Variants in ZFHX3 observed in about 807,000 individuals in gnomAD.
The protein encoded by ZFHX3 is zinc finger homeobox 3.
A neutral mutation model predicts 279.1 loss-of-function variants in ZFHX3; 42 were observed. That is an observed-to-expected ratio of 0.15 (90% CI 0.12 to 0.19). The LOEUF (loss-of-function observed/expected upper bound fraction) is 0.19. ZFHX3 is among the 10% of genes least tolerant of loss of function. The pLI is 1.00. For missense variants in ZFHX3, 4,981 were observed against 4,754.0 expected (o/e 1.05, Z -1.40); for synonymous variants, 2,293 against 1,957.8 (o/e 1.17, Z -4.52).
chr16:73,781,092 T>A (rs1251187639), intron 1 of ZFHX3, among the ~76,000 whole-genome samples: 1 of 152,160 alleles, frequency 6.6e-6, no homozygotes, highest in Non-Finnish European at 1.5e-5. Context: ...GATGAGGAAA[T>A]TAATATAATT....
chr16:72,933,684 T>C (rs1295624207), intron 3 of ZFHX3, among the ~76,000 whole-genome samples: 1 of 152,188 alleles, frequency 6.6e-6, no homozygotes, highest in Non-Finnish European at 1.5e-5. Flanking sequence ...GTTTTCTTTT[T>C]GTTTATGGGT....
intron 1 of ZFHX3, among the ~76,000 whole-genome samples, chr16:73,748,024 C>T (rs1006441164): frequency 4.6e-5 from 7 of 152,134 alleles, no homozygotes; most frequent in Non-Finnish European, 1.0e-4. Context: ...TTTACAAATA[C>T]TTTCAATAAA....
rs367598896 is a variant in ZFHX3 at position 73,054,147 on chromosome 16, T to C, written c.-24+4383A>G. 1.4e-3 allele frequency among the ~76,000 whole-genome samples: 220 copies of C among 152,300 alleles called. 3 individuals are homozygous for C. The highest frequency in any genetic ancestry group is 3.7e-3 in the Admixed American group (57 of 15,298). ...GATCCTTAATATTTATTGGTGTTTA[T>C]AATCTAAAAGCCATGCTCCACGTTT... On this transcript the variant is annotated intron_variant, in intron 1 of 8. Transcript: ENST00000397992.
chr16:73,580,756 T>A (rs1445987100), intron 2 of ZFHX3, among the ~76,000 whole-genome samples: 1 of 151,840 alleles, frequency 6.6e-6, no homozygotes, highest in East Asian at 1.9e-4. Context: ...TATTTGAAGG[T>A]CACTGGGCTT....
intron 5 of ZFHX3, among the ~76,000 whole-genome samples, chr16:73,217,422 A>T (rs1206625686): frequency 1.3e-5 from 2 of 152,198 alleles, no homozygotes; most frequent in Non-Finnish European, 2.9e-5. Context: ...GTCAGGTCAC[A>T]CTGGCCCACA....
intron 1 of ZFHX3, among the ~76,000 whole-genome samples, chr16:73,758,533 G>A (rs2053833630): frequency 6.6e-6 from 1 of 152,202 alleles, no homozygotes; most frequent in Admixed American, 6.5e-5. Context: ...CATGGACACG[G>A]CCTTCGTGGG....
chr16:73,479,436 A>G (rs1305906817), intron 2 of ZFHX3, among the ~76,000 whole-genome samples: 1 of 152,070 alleles, frequency 6.6e-6, no homozygotes, highest in Non-Finnish European at 1.5e-5. Flanking sequence ...TTGGCTGGAG[A>G]TACCTTTCTC....
At chr16:73,392,418 CA>C (rs35019692) in intron 3 of ZFHX3, among the ~76,000 whole-genome samples, 198 of 35,786 alleles carry the variant, frequency 5.5e-3, no homozygotes, top group South Asian at 0.033. Flanking sequence ...GACCCTGTCT[CA>C]AAAAAAAAAA....
chr16:73,630,820 G>A (rs763376076), intron 2 of ZFHX3, among the ~76,000 whole-genome samples: 1 of 152,162 alleles, frequency 6.6e-6, no homozygotes, highest in Non-Finnish European at 1.5e-5. Flanking sequence ...TGACAATCTT[G>A]CTATTTAAAT....
chr16:72,947,524 C>T (rs1035999487), intron 3 of ZFHX3, among the ~76,000 whole-genome samples: 3 of 152,164 alleles, frequency 2.0e-5, no homozygotes, highest in African/African-American at 7.2e-5. Context: ...CCTGAGAATG[C>T]AGCTCTGTCT....
At chr16:73,547,716 T>A (rs2020143743) in intron 2 of ZFHX3, among the ~76,000 whole-genome samples, 1 of 152,194 alleles carries the variant, frequency 6.6e-6, no homozygotes, top group African/African-American at 2.4e-5. Flanking sequence ...GAGAGGGACA[T>A]GTCCCTGATG....
chr16:73,038,787 C>CTATTATTATTATTAT (rs10539654), intron 1 of ZFHX3, among the ~76,000 whole-genome samples: 1 of 147,028 alleles, frequency 6.8e-6, no homozygotes, highest in Non-Finnish European at 1.5e-5. Context: ...CTTTTTATTA[C>CTATTATTATTATTAT]TATTATTATT....
At chr16:73,740,066 C>T (rs1186146028) in intron 1 of ZFHX3, among the ~76,000 whole-genome samples, 1 of 152,138 alleles carries the variant, frequency 6.6e-6, no homozygotes, top group African/African-American at 2.4e-5. Context: ...ACCATCAGCA[C>T]AGCATGCCAG....
intron 1 of ZFHX3, among the ~76,000 whole-genome samples, chr16:73,841,142 C>G (rs970807751): frequency 6.6e-6 from 1 of 152,192 alleles, no homozygotes; most frequent in African/African-American, 2.4e-5. Context: ...AGCAAAGACT[C>G]TAGCAGAGAT....
upstream of ZFHX3, among the ~76,000 whole-genome samples, chr16:73,051,040 C>A (rs1965440263): frequency 6.6e-6 from 1 of 152,142 alleles, no homozygotes; most frequent in Non-Finnish European, 1.5e-5. Context: ...AATGCTGTAT[C>A]CTTCCACTTT....
chr16:73,539,872 T>C (rs951234106), intron 2 of ZFHX3, among the ~76,000 whole-genome samples: 2 of 152,218 alleles, frequency 1.3e-5, no homozygotes, highest in Non-Finnish European at 2.9e-5. Flanking sequence ...TGAAACTCAC[T>C]GCAGCAAGAA....
chr16:73,342,218 T>C (rs2016044824), intron 3 of ZFHX3, among the ~76,000 whole-genome samples: 1 of 152,298 alleles, frequency 6.6e-6, no homozygotes, highest in African/African-American at 2.4e-5. Context: ...TTAGAGGGAA[T>C]GCAAATCGGT....
chr16:73,660,334 C>T (rs985390894), intron 2 of ZFHX3, among the ~76,000 whole-genome samples: 4 of 152,062 alleles, frequency 2.6e-5, no homozygotes, highest in Non-Finnish European at 5.9e-5. Flanking sequence ...GTGAACAAAC[C>T]CACACTAAAT....
chr16:73,743,502 A>C (rs942867669), intron 1 of ZFHX3, among the ~76,000 whole-genome samples: 1 of 152,216 alleles, frequency 6.6e-6, no homozygotes, highest in African/African-American at 2.4e-5. Flanking sequence ...CTCTAACAAT[A>C]TATGCTACCA....
Sources: gnomAD v4.1 joint callset for allele counts (sites outside exome capture counted in the v4.1 genomes callset) on GRCh38, gnomAD v4.1.1 for gene constraint, MANE v1.5 for transcripts, NCBI Gene and HGNC (gene_info 2026-07-23, HGNC 2026-07-21) for gene names.